The following KRT80 variants were observed in gnomAD, a reference collection of about 807,000 sequenced individuals.
The protein encoded by KRT80 is keratin 80.
KRT80 carries 36 observed loss-of-function variants against 51.5 expected under a neutral mutation model. The observed-to-expected ratio is 0.70, with a 90% CI of 0.54 to 0.92. The LOEUF is 0.92. Ranked by LOEUF, KRT80 falls within the 40% of genes least tolerant of loss-of-function variation. KRT80 has a pLI of 0.00. For synonymous variants in KRT80, 235 were observed against 248.3 expected (o/e 0.95, Z 0.50); for missense variants, 566 against 591.7 (o/e 0.96, Z 0.45).
rs750349720 is a variant in KRT80 at position 52,180,622 on chromosome 12, C to A, written c.571-14G>T. The A allele has an allele frequency of 4.6e-6, 7 of 1,517,640 alleles. No individual in the cohort carries two copies. Among genetic ancestry groups the A allele is most frequent in the Non-Finnish European group, 5.3e-6 (6 of 1,134,146 alleles). The allele number at this position is 1,517,640 out of a possible 1,614,324, so 94.0% of individuals were successfully genotyped here. A position where few individuals can be genotyped will look rare whatever the true frequency, so the allele number is the denominator to read the frequency against. On this transcript the variant is annotated splice_polypyrimidine_tract_variant and intron_variant, in intron 3 of 8. Coordinates refer to ENST00000394815, the MANE Select transcript of KRT80 (RefSeq NM_182507.3). ...TGCATCCAGGTCCTGGGGTTGGCAG[C>A]AGTGGTGAGTGGTGGGAGAGGGAAT...
chr12:52,177,974 A>G (rs552893531), intron 4 of KRT80, among the ~76,000 whole-genome samples: 1 of 152,264 alleles, frequency 6.6e-6, no homozygotes, highest in East Asian at 1.9e-4. Flanking sequence ...AAATGTGGTG[A>G]CTAGAAAACT....
chr12:52,173,150 G>A lies in KRT80; in HGVS notation c.845C>T (p.Ala282Val). 1.2e-6 allele frequency: 2 copies of A among 1,609,572 alleles called. No individual in the cohort carries two copies. Among genetic ancestry groups the A allele is most frequent in the Non-Finnish European group, 8.5e-7 (1 of 1,178,088 alleles). Residue 282 changes from alanine (A) to valine (V), a missense_variant, in exon 6 of 9, where the codon GCC becomes GTC. Ala to Val is a moderately conservative substitution (Grantham distance 64). Coordinates refer to ENST00000394815, the MANE Select transcript of KRT80 (RefSeq NM_182507.3). ...GCTCCCATACTCGGCCGAGCGGGCG[G>A]CCTGCTCCTCCAGCTGGAGGTACAT... Reference protein sequence around the residue: ...AYSRSQLEEQAARSAEYGSSL... With the variant: ...AYSRSQLEEQVARSAEYGSSL...
At chr12:52,175,930 G>A (rs1423702311) in intron 4 of KRT80, among the ~76,000 whole-genome samples, 1 of 152,168 alleles carries the variant, frequency 6.6e-6, no homozygotes, top group Non-Finnish European at 1.5e-5. Flanking sequence ...GCAGCTTTGA[G>A]GCTGTTTTGG....
In KRT80 at chr12:52,171,730, G is replaced by C. The variant is rs1405281669; in HGVS notation, c.1179-17C>G. ...GAGTCCATCCTGGGGGTGGGGGACG[G>C]GGGGGTGGGAGAGGGATATGATGGG... On this transcript the variant is annotated splice_polypyrimidine_tract_variant and intron_variant, in intron 7 of 8. Transcript: ENST00000394815. The C allele has an allele frequency of 7.0e-7, 1 of 1,436,478 alleles. No individual in the cohort carries two copies. Among genetic ancestry groups the C allele is most frequent in the Non-Finnish European group, 9.6e-7 (1 of 1,042,284 alleles). The allele number at this position is 1,436,478 out of a possible 1,614,324, so 89.0% of individuals were successfully genotyped here.
At position 52,185,632 on chromosome 12, in the gene KRT80, C is replaced by A. The variant is rs565521208; in HGVS notation, c.301-45G>T. The A allele has an allele frequency of 2.5e-6, 4 of 1,584,440 alleles. No homozygotes were observed. In the African/African-American group the frequency reaches 4.0e-5, roughly 16 times the overall value. ...GCGAATGGGTCAGGTGTGGACCAGT[C>A]GGGGGCTGAGGCCCCGGGCTGACCA... On this transcript the variant is annotated intron_variant, in intron 1 of 8. Transcript: ENST00000394815.
intron 2 of KRT80, among the ~76,000 whole-genome samples, chr12:52,181,670 C>T (rs1440266399): frequency 6.6e-6 from 1 of 152,230 alleles, no homozygotes; most frequent in African/African-American, 2.4e-5. Flanking sequence ...AGCTCAATAA[C>T]GCTCTTCTCA....
chr12:52,179,647 T>G (rs894725359), intron 4 of KRT80, among the ~76,000 whole-genome samples: 87 of 152,204 alleles, frequency 5.7e-4, no homozygotes, highest in African/African-American at 2.0e-3. Context: ...ATAGGGCCAT[T>G]TTAGCAGAAT....
chr12:52,185,773 A>G, intron 1 of KRT80, 186 bp from the exon 2 acceptor site: 2 of 1,303,340 alleles, frequency 1.5e-6, no homozygotes, highest in Non-Finnish European at 2.1e-6. Flanking sequence ...GAAGATGGTG[A>G]GATAAGGACA....
At chr12:52,188,208 A>G (rs1407558441) in intron 1 of KRT80, among the ~76,000 whole-genome samples, 2 of 152,158 alleles carry the variant, frequency 1.3e-5, no homozygotes, top group Admixed American at 1.3e-4. Flanking sequence ...AATTGCCTCC[A>G]ACCCAGGAAG....
In KRT80 at chr12:52,173,174, A is replaced by C; in HGVS notation, c.832-11T>G. ...GGCCTGCTCCTCCAGCTGGAGGTAC[A>C]TGGAGGTCTCAGTGAGGGGCAGCTC... On this transcript the variant is annotated splice_polypyrimidine_tract_variant and intron_variant, in intron 5 of 8. Transcript: ENST00000394815. 6.2e-7 allele frequency: 1 copy of C among 1,602,768 alleles called. No individual in the cohort carries two copies. Among genetic ancestry groups the C allele is most frequent in the Non-Finnish European group, 8.5e-7 (1 of 1,174,634 alleles).
chr12:52,171,559 TGGAGGTTTG>T, intron 8 of KRT80, 37 bp from the exon 9 acceptor site: 1 of 1,613,668 alleles, frequency 6.2e-7, no homozygotes, highest in Non-Finnish European at 8.5e-7. Context: ...GGGAAGGGGC[TGGAGGTTTG>T]GGAGCCACTT....
intron 4 of KRT80, among the ~76,000 whole-genome samples, chr12:52,175,319 G>T (rs1941200235): frequency 6.6e-6 from 1 of 152,110 alleles, no homozygotes; most frequent in African/African-American, 2.4e-5. Context: ...AATGTTCAAC[G>T]TGCTTCTTCC....
At chr12:52,191,437 C>T (rs11170035) in intron 1 of KRT80, among the ~76,000 whole-genome samples, 166 bp downstream of exon 1, 16,071 of 152,208 alleles carry the variant, frequency 0.11, 1,674 homozygotes, top group East Asian at 0.54. Context: ...GGACTTCCCT[C>T]CCCCAGCCTC....
chr12:52,178,811 C>T lies in KRT80; in HGVS notation c.666+1702G>A, dbSNP rs1281514197. Among the ~76,000 whole-genome samples, 11 of 151,910 alleles carry T rather than the reference C, an allele frequency of 7.2e-5. No homozygotes were observed. In the East Asian group the frequency reaches 1.7e-3, roughly 24 times the overall value. ...GGCTGGTCCTGTTACTCTCTCCATGCTACAGATAAGGACACTAAGGCACAG... is the reference window on the plus strand; with the variant it reads ...GGCTGGTCCTGTTACTCTCTCCATGTTACAGATAAGGACACTAAGGCACAG... On this transcript the variant is annotated intron_variant, in intron 4 of 8. Coordinates refer to ENST00000394815, the MANE Select transcript of KRT80 (RefSeq NM_182507.3).
rs1277583151 is a variant in KRT80, at chr12:52,169,313, C to G, written c.*2085G>C. 1.3e-5 allele frequency: 2 copies of G among 152,284 alleles called. No homozygotes were observed. Among genetic ancestry groups the G allele is most frequent in the African/African-American group, 4.8e-5 (2 of 41,454 alleles). 9.4% of individuals were successfully genotyped at this position (152,284 alleles called of 1,614,324 possible). ...ACTTCCAACACTGGGAATTACATTTCAACATGAGATTTGGAGGGGACGAGC... is the reference window on the plus strand; with the variant it reads ...ACTTCCAACACTGGGAATTACATTTGAACATGAGATTTGGAGGGGACGAGC... On this transcript the variant is annotated 3_prime_UTR_variant, in exon 9 of 9. Transcript: ENST00000394815.
intron 1 of KRT80, among the ~76,000 whole-genome samples, chr12:52,190,235 C>G (rs973049634): frequency 5.9e-5 from 9 of 152,228 alleles, no homozygotes; most frequent in African/African-American, 2.2e-4. Flanking sequence ...ATTCCCACCA[C>G]AGAGACCACT....
chr12:52,173,314 C>T, intron 5 of KRT80, 151 bp from the exon 6 acceptor site: 1 of 1,076,622 alleles, frequency 9.3e-7, no homozygotes. Context: ...CCCCTTCCAC[C>T]TCCCTTTCTG....
intron 3 of KRT80, 95 bp from the exon 4 acceptor site, chr12:52,180,703 G>T: frequency 6.2e-7 from 1 of 1,600,874 alleles, no homozygotes; most frequent in Admixed American, 1.7e-5. Context: ...GAGAGTGGGG[G>T]TGATTCCAGA....
intron 4 of KRT80, among the ~76,000 whole-genome samples, chr12:52,175,982 G>A (rs1245912478): frequency 6.6e-6 from 1 of 152,130 alleles, no homozygotes; most frequent in Non-Finnish European, 1.5e-5. Flanking sequence ...GGGCCTCAGA[G>A]CCCTCCAGTG....
Sources: gnomAD v4.1 joint callset for allele counts (sites outside exome capture counted in the v4.1 genomes callset) on GRCh38, gnomAD v4.1.1 for gene constraint, MANE v1.5 for transcripts, NCBI Gene and HGNC (gene_info 2026-07-23, HGNC 2026-07-21) for gene names.